Variants in BIN2 observed in about 807,000 individuals in gnomAD.
BIN2 encodes bridging integrator 2.
A neutral mutation model predicts 67.9 loss-of-function variants in BIN2; 43 were observed. The ratio of observed to expected loss-of-function variants is 0.63; its 90% CI spans 0.50 to 0.82. The LOEUF (loss-of-function observed/expected upper bound fraction) is 0.82. Ranked by LOEUF, BIN2 falls within the 40% of genes least tolerant of loss-of-function variation. The probability of loss-of-function intolerance (pLI) is 0.00; values close to 1 mark genes in which losing one functional copy is unlikely to be tolerated. For missense variants in BIN2, 581 were observed against 671.6 expected (o/e 0.87, Z 1.49); for synonymous variants, 244 against 246.8 (o/e 0.99, Z 0.11).
At chr12:51,302,233 C>T (rs1222194066) in intron 4 of BIN2, 118 bp from the exon 5 acceptor site, 2 of 677,430 alleles carry the variant, frequency 3.0e-6, no homozygotes, top group African/African-American at 3.6e-5. Flanking sequence ...TTTAGAATAC[C>T]ATGTTGGATT....
At chr12:51,313,232 C>CAGGA (rs1565687623) in intron 2 of BIN2, among the ~76,000 whole-genome samples, 35 of 124,916 alleles carry the variant, frequency 2.8e-4, no homozygotes, top group African/African-American at 7.9e-4. Context: ...GGCAGGAAGG[C>CAGGA]AGGCAGGCAG....
chr12:51,288,207 A>C lies in BIN2; in HGVS notation c.1516-19T>G, dbSNP rs1167441169. 4.4e-6 allele frequency: 7 copies of C among 1,607,748 alleles called. No homozygotes were observed. Among genetic ancestry groups the C allele is most frequent in the African/African-American group, 1.3e-5 (1 of 74,808 alleles). On this transcript the variant is annotated intron_variant, in intron 10 of 12. Transcript: ENST00000615107. ...AAGCAACCTGTGAATCAAAGTGAAC[A>C]ATGGAGGAGAGAGTCCCACACCTTC...
chr12:51,306,359 G>A (rs532529968), intron 2 of BIN2, among the ~76,000 whole-genome samples: 1 of 152,352 alleles, frequency 6.6e-6, no homozygotes, highest in South Asian at 2.1e-4. Flanking sequence ...AGGCGAGGTA[G>A]CTCAAATCTG....
intron 5 of BIN2, among the ~76,000 whole-genome samples, chr12:51,300,739 A>G (rs995123759): frequency 6.6e-6 from 1 of 152,202 alleles, no homozygotes; most frequent in Non-Finnish European, 1.5e-5. Context: ...ATACAATACC[A>G]TGAGGCTTCT....
chr12:51,298,353 A>G (rs1031145400), intron 7 of BIN2, among the ~76,000 whole-genome samples: 20 of 152,190 alleles, frequency 1.3e-4, no homozygotes, highest in Admixed American at 1.3e-3. Context: ...GCCTGGCAAC[A>G]GAGTGAGACT....
chr12:51,294,627 A>G (rs1444793271), intron 9 of BIN2, among the ~76,000 whole-genome samples: 1 of 151,978 alleles, frequency 6.6e-6, no homozygotes, highest in Non-Finnish European at 1.5e-5. Flanking sequence ...TTATGTGTGC[A>G]TGTATGTGTG....
chr12:51,313,252 G>GGCAGGC (rs1946045176), intron 2 of BIN2, among the ~76,000 whole-genome samples: 3 of 105,998 alleles, frequency 2.8e-5, no homozygotes, highest in African/African-American at 1.0e-4. Flanking sequence ...GGCAGGCAGG[G>GGCAGGC]AGGGAGGGAG....
intron 5 of BIN2, among the ~76,000 whole-genome samples, chr12:51,301,563 C>G (rs1021871115): frequency 2.0e-5 from 3 of 152,112 alleles, no homozygotes; most frequent in African/African-American, 7.2e-5. Context: ...GGCTGGCGCA[C>G]AGTGGCATGA....
chr12:51,294,855 G>C (rs534007974), intron 9 of BIN2, among the ~76,000 whole-genome samples: 2 of 152,224 alleles, frequency 1.3e-5, no homozygotes. Flanking sequence ...CAACAGCCAA[G>C]TTCTTAAATT....
At chr12:51,297,926 G>A (rs1317476777) in intron 7 of BIN2, among the ~76,000 whole-genome samples, 1 of 152,166 alleles carries the variant, frequency 6.6e-6, no homozygotes, top group Non-Finnish European at 1.5e-5. Context: ...AATCAAGGAG[G>A]TATACTTTTA....
chr12:51,286,645 T>C (rs1041719808), intron 11 of BIN2, among the ~76,000 whole-genome samples: 5 of 152,134 alleles, frequency 3.3e-5, no homozygotes, highest in Admixed American at 3.3e-4. Flanking sequence ...CAAATTGAAA[T>C]CAATTCAACC....
intron 2 of BIN2, among the ~76,000 whole-genome samples, chr12:51,306,605 C>T (rs1466664533): frequency 5.3e-5 from 8 of 152,054 alleles, no homozygotes; most frequent in Non-Finnish European, 7.4e-5. Context: ...GCAGCCTGGG[C>T]GACACAGCAG....
In BIN2 at chr12:51,288,162, C is replaced by T. The variant is rs929263777; in HGVS notation, c.1542G>A (p.Lys514=). The change falls in exon 11 of 13, where the codon AAG becomes AAA. Residue 514 remains lysine (K), a synonymous_variant. Transcript: ENST00000615107. ...SQVASEPGEA[K]KMEDKEKDNK... ...TATCCTTTTCCTTGTCTTCCATCTT[C>T]TTTGCCTCTCCAGGCTCTGAAGCAA... The T allele has an allele frequency of 5.6e-6, 9 of 1,614,006 alleles. No individual in the cohort carries two copies. Among genetic ancestry groups the T allele is most frequent in the Non-Finnish European group, 7.6e-6 (9 of 1,179,860 alleles).
At position 51,324,149 on chromosome 12, in the gene BIN2, T is replaced by C. The variant is rs1360301315; in HGVS notation, c.-47A>G. Reference sequence around the variant, plus strand: ...GCCGCCCTGGCCCCGCGCCCTGTGGTTTTCTGAGGCCCCCGAGGAGGAAGT... The same window carrying C: ...GCCGCCCTGGCCCCGCGCCCTGTGGCTTTCTGAGGCCCCCGAGGAGGAAGT... On this transcript the variant is annotated 5_prime_UTR_variant, in exon 1 of 13. Transcript: ENST00000615107. The C allele has an allele frequency of 6.2e-7, 1 of 1,606,150 alleles. No individual in the cohort carries two copies. Among genetic ancestry groups the C allele is most frequent in the Non-Finnish European group, 8.5e-7 (1 of 1,176,626 alleles).
At chr12:51,287,988 G>A in intron 11 of BIN2, 120 bp downstream of exon 11, 1 of 708,814 alleles carries the variant, frequency 1.4e-6, no homozygotes, top group Non-Finnish European at 2.3e-6. Flanking sequence ...AGGGCCCTCA[G>A]TGCTTCATGT....
intron 9 of BIN2, among the ~76,000 whole-genome samples, chr12:51,292,928 T>C (rs538235885): frequency 6.6e-6 from 1 of 152,292 alleles, no homozygotes; most frequent in African/African-American, 2.4e-5. Flanking sequence ...GCAAAAAGAC[T>C]GTGATGTGCC....
intron 9 of BIN2, among the ~76,000 whole-genome samples, 162 bp from the exon 10 acceptor site, chr12:51,292,506 G>C (rs1308149188): frequency 6.6e-6 from 1 of 152,088 alleles, no homozygotes; most frequent in African/African-American, 2.4e-5. Context: ...ATGAAAAAAG[G>C]CCAAAATTTT....
At chr12:51,309,012 G>A (rs1180278665) in intron 2 of BIN2, among the ~76,000 whole-genome samples, 1 of 152,048 alleles carries the variant, frequency 6.6e-6, no homozygotes, top group Non-Finnish European at 1.5e-5. Flanking sequence ...TCAGGAATGT[G>A]GGCGAATGGC....
Position 51,284,789 on chromosome 12 carries a change from T to C in BIN2, c.1597-2A>G. On this transcript the variant is annotated splice_acceptor_variant, in intron 11 of 12. Coordinates refer to ENST00000615107, the MANE Select transcript of BIN2 (RefSeq NM_016293.4). LOFTEE classifies it high-confidence loss of function. ...GGAGACTTGAAGCTGGTCTTGGCCC[T>C]ACAAAGAGAAGAGTTCTGCCAGTAA... 1 of 1,612,050 alleles carries C rather than the reference T, an allele frequency of 6.2e-7. No individual in the cohort carries two copies. The highest frequency in any genetic ancestry group is 8.5e-7 in the Non-Finnish European group (1 of 1,178,158).
Sources: gnomAD v4.1 joint callset for allele counts (sites outside exome capture counted in the v4.1 genomes callset) on GRCh38, gnomAD v4.1.1 for gene constraint, MANE v1.5 for transcripts, NCBI Gene and HGNC (gene_info 2026-07-23, HGNC 2026-07-21) for gene names.